Variants in ZDHHC14 observed in about 807,000 individuals in gnomAD.
ZDHHC14 encodes the protein zDHHC palmitoyltransferase 14.
ZDHHC14 carries 16 observed loss-of-function variants against 47.7 expected under a neutral mutation model. That is an observed-to-expected ratio of 0.34 (90% confidence interval 0.23 to 0.51). ZDHHC14 has a LOEUF of 0.51. Ranked by LOEUF, ZDHHC14 falls within the 20% of genes least tolerant of loss-of-function variation. ZDHHC14 has a pLI of 0.97. For synonymous variants in ZDHHC14, 293 were observed against 278.9 expected (o/e 1.05, Z -0.50); for missense variants, 515 against 662.5 (o/e 0.78, Z 2.44).
chr6:157,592,808 G>A (rs1031016099), intron 2 of ZDHHC14, 180 bp from the exon 3 acceptor site: 1 of 1,417,520 alleles, frequency 7.1e-7, no homozygotes. Context: ...TGCAACGAAG[G>A]AGGCCGGGGT....
intron 3 of ZDHHC14, among the ~76,000 whole-genome samples, chr6:157,625,967 G>A (rs1348721013): frequency 6.6e-6 from 1 of 152,078 alleles, no homozygotes; most frequent in Non-Finnish European, 1.5e-5. Context: ...CAACTGTCTC[G>A]TCCGCATCAT....
chr6:157,558,783 TA>T (rs3056793), intron 2 of ZDHHC14, among the ~76,000 whole-genome samples: 35,972 of 143,830 alleles, frequency 0.25, 4,510 homozygotes, highest in East Asian at 0.38. Context: ...ACTTTGGTGG[TA>T]AAAAAAAAAA....
At chr6:157,393,180 A>C (rs1316764964) in intron 1 of ZDHHC14, among the ~76,000 whole-genome samples, 1 of 152,180 alleles carries the variant, frequency 6.6e-6, no homozygotes, top group African/African-American at 2.4e-5. Context: ...CACCCAGCCT[A>C]TTTTAGAACA....
chr6:157,413,700 C>T (rs1458520999), intron 1 of ZDHHC14, among the ~76,000 whole-genome samples: 5 of 151,540 alleles, frequency 3.3e-5, no homozygotes, highest in Admixed American at 6.6e-5. Flanking sequence ...GTCTTTTTTC[C>T]GTCTAAAGCC....
At chr6:157,389,221 G>A (rs1257992348) in intron 1 of ZDHHC14, among the ~76,000 whole-genome samples, 1 of 152,092 alleles carries the variant, frequency 6.6e-6, no homozygotes, top group African/African-American at 2.4e-5. Flanking sequence ...AAAGAACTCT[G>A]TATACTCTCC....
At chr6:157,636,263 C>T (rs1776969656) in intron 5 of ZDHHC14, among the ~76,000 whole-genome samples, 1 of 151,808 alleles carries the variant, frequency 6.6e-6, no homozygotes, top group African/African-American at 2.4e-5. Context: ...TATTTTTAAG[C>T]CCTCATATAT....
Position 157,456,571 on chromosome 6 carries a change from T to G in ZDHHC14, c.245+74305T>G, listed in dbSNP as rs559293611. 3.3e-5 allele frequency among the ~76,000 whole-genome samples: 5 copies of G among 152,260 alleles called. No homozygotes were observed. In the East Asian group the frequency reaches 9.7e-4, roughly 29 times the overall value. On this transcript the variant is annotated intron_variant, in intron 1 of 8. Transcript: ENST00000359775. ...ACCCTTAAAACTGTCAAGAATTGAG[T>G]AAGACAAAGCACCACCATGTTTCTC...
intron 2 of ZDHHC14, among the ~76,000 whole-genome samples, chr6:157,565,511 T>G (rs1782867512): frequency 6.6e-6 from 1 of 151,940 alleles, no homozygotes; most frequent in East Asian, 1.9e-4. Context: ...AAAGCAAGGG[T>G]CAGTGGAGTC....
chr6:157,383,815 G>C (rs1777261139), intron 1 of ZDHHC14, among the ~76,000 whole-genome samples: 1 of 152,184 alleles, frequency 6.6e-6, no homozygotes, highest in African/African-American at 2.4e-5. Flanking sequence ...GGAAGGGTGT[G>C]AACAGGCATT....
intron 1 of ZDHHC14, among the ~76,000 whole-genome samples, chr6:157,456,134 T>G (rs2024877): frequency 6.6e-6 from 1 of 152,068 alleles, no homozygotes; most frequent in Non-Finnish European, 1.5e-5. Context: ...GGAGGCCTGC[T>G]GCGGGAGGGA....
chr6:157,661,863 G>A (rs993061590), intron 8 of ZDHHC14, among the ~76,000 whole-genome samples: 9 of 152,040 alleles, frequency 5.9e-5, no homozygotes, highest in African/African-American at 2.2e-4. Flanking sequence ...TCGCTGTGTC[G>A]CCCAGGCTGG....
At chr6:157,499,479 G>GAC (rs1780144294) in intron 1 of ZDHHC14, among the ~76,000 whole-genome samples, 1 of 147,176 alleles carries the variant, frequency 6.8e-6, no homozygotes, top group Non-Finnish European at 1.5e-5. Flanking sequence ...ACCTCTCAAA[G>GAC]CCCCCCACCC....
intron 5 of ZDHHC14, among the ~76,000 whole-genome samples, chr6:157,642,879 C>T (rs1418208372): frequency 6.6e-6 from 1 of 152,190 alleles, no homozygotes; most frequent in Non-Finnish European, 1.5e-5. Flanking sequence ...AGGGAACAAA[C>T]CATGTCAGCT....
chr6:157,400,657 C>A (rs1372806946), intron 1 of ZDHHC14, among the ~76,000 whole-genome samples: 1 of 152,232 alleles, frequency 6.6e-6, no homozygotes, highest in African/African-American at 2.4e-5. Flanking sequence ...CGCTGCTGCC[C>A]ATGGATGTCA....
intron 1 of ZDHHC14, among the ~76,000 whole-genome samples, chr6:157,488,970 T>C (rs1779846727): frequency 6.6e-6 from 1 of 152,086 alleles, no homozygotes; most frequent in African/African-American, 2.4e-5. Context: ...CAAGGAAGAG[T>C]TGTTACTCTG....
At chr6:157,581,898 A>AT (rs943863950) in intron 2 of ZDHHC14, among the ~76,000 whole-genome samples, 41 of 148,018 alleles carry the variant, frequency 2.8e-4, no homozygotes, top group East Asian at 1.6e-3. Context: ...ATTCTGTGAC[A>AT]TTTTTTTTTT....
chr6:157,500,139 G>A (rs994661865), intron 1 of ZDHHC14, among the ~76,000 whole-genome samples: 1 of 152,216 alleles, frequency 6.6e-6, no homozygotes, highest in African/African-American at 2.4e-5. Context: ...AGGTGACACT[G>A]AGCAGAAATC....
At chr6:157,669,812 C>T (rs1048815564) in intron 8 of ZDHHC14, among the ~76,000 whole-genome samples, 6 of 152,254 alleles carry the variant, frequency 3.9e-5, no homozygotes, top group African/African-American at 4.8e-5. Flanking sequence ...GCGGCAGCTC[C>T]GCCCTGGGCT....
At chr6:157,650,256 G>A (rs1346166816) in intron 7 of ZDHHC14, among the ~76,000 whole-genome samples, 1 of 152,210 alleles carries the variant, frequency 6.6e-6, no homozygotes, top group Non-Finnish European at 1.5e-5. Context: ...GAAGCGGTGG[G>A]GAGGAGCAGG....
Sources: gnomAD v4.1 joint callset for allele counts (sites outside exome capture counted in the v4.1 genomes callset) on GRCh38, gnomAD v4.1.1 for gene constraint, MANE v1.5 for transcripts, NCBI Gene and HGNC (gene_info 2026-07-23, HGNC 2026-07-21) for gene names.